The following CFAP20DC variants were observed in gnomAD, a reference collection of about 807,000 sequenced individuals.
CFAP20DC encodes the protein protein CFAP20DC.
CFAP20DC carries 84 observed loss-of-function variants against 101.7 expected under a neutral mutation model. That is an observed-to-expected ratio of 0.83 (90% confidence interval 0.69 to 0.99). The LOEUF (loss-of-function observed/expected upper bound fraction) is 0.99, where lower values mean the gene tolerates loss of function less well. Among genes scored for constraint, CFAP20DC ranks in the 50% least tolerant of loss-of-function variants. CFAP20DC has a pLI of 0.00. For synonymous variants in CFAP20DC, 359 were observed against 351.2 expected, an observed-to-expected ratio of 1.02 and a Z score of -0.25; for missense variants, 1,007 against 970.3, an observed-to-expected ratio of 1.04 and a Z score of -0.50.
At chr3:58,796,266 GAA>G (rs1013416119) in intron 15 of CFAP20DC, among the ~76,000 whole-genome samples, 28 of 152,186 alleles carry the variant, frequency 1.8e-4, no homozygotes, top group Non-Finnish European at 2.4e-4. Context: ...TACTGCTGGT[GAA>G]TTGCTGGGTC....
chr3:58,797,750 ACT>A (rs3054159), intron 15 of CFAP20DC, among the ~76,000 whole-genome samples: 14,419 of 152,112 alleles, frequency 0.095, 1,148 homozygotes, highest in East Asian at 0.35. Flanking sequence ...GCACAGGATG[ACT>A]CTGTTGTTGG....
intron 4 of CFAP20DC, among the ~76,000 whole-genome samples, chr3:59,028,739 T>C (rs910039801): frequency 6.6e-6 from 1 of 152,232 alleles, no homozygotes; most frequent in African/African-American, 2.4e-5. Context: ...TAATTATGCC[T>C]ACTATCCAGG....
At chr3:58,988,689 T>C (rs989015079) in intron 4 of CFAP20DC, among the ~76,000 whole-genome samples, 3 of 152,206 alleles carry the variant, frequency 2.0e-5, no homozygotes, top group Non-Finnish European at 4.4e-5. Context: ...ATTAAGACAA[T>C]ATTTCTGAAT....
intron 4 of CFAP20DC, among the ~76,000 whole-genome samples, chr3:58,951,059 T>C (rs1039645809): frequency 7.2e-5 from 11 of 151,818 alleles, no homozygotes; most frequent in African/African-American, 2.7e-4. Context: ...CAAACAAATT[T>C]ACAAGAAAAA....
chr3:58,731,366 T>C (rs1356671086), intron 3 of CFAP20DC, among the ~76,000 whole-genome samples: 1 of 152,234 alleles, frequency 6.6e-6, no homozygotes, highest in Non-Finnish European at 1.5e-5. Context: ...AAGAAATGCT[T>C]CGAGTCCTGT....
In CFAP20DC at chr3:58,742,392, C is replaced by T. The variant is rs1253135434; in HGVS notation, c.*68G>A. On this transcript the variant is annotated 3_prime_UTR_variant, in exon 17 of 17. Transcript: ENST00000482387. Reference sequence around the variant, plus strand: ...CCCAACACATAAGTTGTGGTGACTCCTTAAGCGACCCTGAACTGCTATTCT... The same window carrying T: ...CCCAACACATAAGTTGTGGTGACTCTTTAAGCGACCCTGAACTGCTATTCT... 7.7e-6 allele frequency: 11 copies of T among 1,434,060 alleles called. No homozygotes were observed. The South Asian group carries it at 1.5e-4, about 20-fold the overall frequency. 88.8% of individuals were successfully genotyped at this position (1,434,060 alleles called of 1,614,324 possible).
Position 58,861,183 on chromosome 3 carries a change from T to A in CFAP20DC, c.1593+2375A>T, listed in dbSNP as rs1024157630. 9.4e-6 allele frequency: 2 copies of A among 213,422 alleles called. No homozygotes were observed. Among genetic ancestry groups the A allele is most frequent in the African/African-American group, 2.3e-5 (1 of 42,602 alleles). 13.2% of individuals were successfully genotyped at this position (213,422 alleles called of 1,614,324 possible). ...ATGATTTGATTTTGCCTAGTTTATATGTTACTAAATACATCTCATTTTCCT... is the reference window on the plus strand; with the variant it reads ...ATGATTTGATTTTGCCTAGTTTATAAGTTACTAAATACATCTCATTTTCCT... On this transcript the variant is annotated intron_variant, in intron 12 of 16. Coordinates refer to ENST00000482387, the MANE Select transcript of CFAP20DC (RefSeq NM_001394063.1). This position sits in a 1 kb window ranked among gnomAD's most constrained non-coding sequence, Gnocchi z 4.0.
chr3:58,807,035 C>T (rs1171818317), intron 14 of CFAP20DC, among the ~76,000 whole-genome samples: 1 of 152,180 alleles, frequency 6.6e-6, no homozygotes, highest in Non-Finnish European at 1.5e-5. Flanking sequence ...CGCCATTGCC[C>T]AGACTTGCTT....
At chr3:58,955,711 G>A (rs1485111061) in intron 4 of CFAP20DC, among the ~76,000 whole-genome samples, 1 of 151,890 alleles carries the variant, frequency 6.6e-6, no homozygotes, top group Non-Finnish European at 1.5e-5. Flanking sequence ...GGGGGCATGT[G>A]ACCTCTTGAG....
At chr3:58,810,904 C>T (rs1364302405) in intron 14 of CFAP20DC, among the ~76,000 whole-genome samples, 1 of 151,738 alleles carries the variant, frequency 6.6e-6, no homozygotes, top group Non-Finnish European at 1.5e-5. Context: ...TTCTTATACA[C>T]CAATAACAGG....
At chr3:58,890,718 G>A (rs1382415703) in intron 6 of CFAP20DC, among the ~76,000 whole-genome samples, 10 of 148,034 alleles carry the variant, frequency 6.8e-5, no homozygotes, top group South Asian at 2.2e-4. Flanking sequence ...CGGGGCGGCC[G>A]GGCAGAGACG....
intron 4 of CFAP20DC, among the ~76,000 whole-genome samples, chr3:59,027,826 G>T (rs991578898): frequency 6.6e-6 from 1 of 152,060 alleles, no homozygotes; most frequent in Non-Finnish European, 1.5e-5. Flanking sequence ...GGGAAGCCAC[G>T]GGCCTCCCAA....
downstream of CFAP20DC, among the ~76,000 whole-genome samples, chr3:58,740,436 C>T (rs1377900690): frequency 6.6e-6 from 1 of 152,120 alleles, no homozygotes; most frequent in Non-Finnish European, 1.5e-5. This position sits in a 1 kb window ranked among gnomAD's most constrained non-coding sequence, Gnocchi z 4.6. Flanking sequence ...AATTTGGTGG[C>T]CATCATCATG....
intron 3 of CFAP20DC, among the ~76,000 whole-genome samples, chr3:59,040,735 T>G (rs1699299664): frequency 6.6e-6 from 1 of 152,114 alleles, no homozygotes; most frequent in Non-Finnish European, 1.5e-5. Context: ...ATTCCCATTT[T>G]GCAACATTCC....
intron 4 of CFAP20DC, among the ~76,000 whole-genome samples, chr3:58,997,215 T>C (rs2093163843): frequency 6.6e-6 from 1 of 152,244 alleles, no homozygotes; most frequent in Admixed American, 6.5e-5. Flanking sequence ...TAATTCTATG[T>C]GCCCAATACT....
At chr3:58,808,587 C>A (rs936627353) in intron 14 of CFAP20DC, among the ~76,000 whole-genome samples, 5 of 152,198 alleles carry the variant, frequency 3.3e-5, no homozygotes, top group African/African-American at 1.2e-4. Context: ...AAAGGACCAA[C>A]CAGTACCAGC....
chr3:58,837,213 T>C (rs2076798631), intron 13 of CFAP20DC, among the ~76,000 whole-genome samples: 1 of 152,190 alleles, frequency 6.6e-6, no homozygotes, highest in African/African-American at 2.4e-5. Context: ...GCCCAAGTTT[T>C]ATTAAAAGTC....
intron 12 of CFAP20DC, among the ~76,000 whole-genome samples, chr3:58,851,949 G>A (rs888844171): frequency 2.0e-4 from 30 of 152,150 alleles, no homozygotes; most frequent in Non-Finnish European, 7.4e-5. Context: ...GTTTTTCAGC[G>A]AAAGCTTTGG....
intron 4 of CFAP20DC, among the ~76,000 whole-genome samples, chr3:59,022,730 G>A (rs2093825686): frequency 6.6e-6 from 1 of 151,980 alleles, no homozygotes; most frequent in Admixed American, 6.6e-5. Flanking sequence ...AATAAGAAAT[G>A]ACATAAAACA....
Sources: gnomAD v4.1 joint callset for allele counts (sites outside exome capture counted in the v4.1 genomes callset) on GRCh38, gnomAD v4.1.1 for gene constraint, Gnocchi (gnomAD v3.1) non-coding constraint, MANE v1.5 for transcripts, NCBI Gene and HGNC (gene_info 2026-07-23, HGNC 2026-07-21) for gene names.